Variants in KDM4B observed in about 807,000 individuals in gnomAD.
The protein encoded by KDM4B is lysine demethylase 4B.
KDM4B carries 32 observed loss-of-function variants against 125.2 expected under a neutral mutation model. The observed-to-expected ratio is 0.26, with a 90% CI of 0.19 to 0.34. The LOEUF (loss-of-function observed/expected upper bound fraction) is 0.34. Ranked by LOEUF, KDM4B falls within the 10% of genes least tolerant of loss-of-function variation. The pLI, the probability that KDM4B is intolerant of heterozygous loss-of-function variation, is 1.00. For synonymous variants in KDM4B, 721 were observed against 677.9 expected (o/e 1.06, Z -0.99); for missense variants, 1,190 against 1,577.7 (o/e 0.75, Z 4.16).
chr19:5,076,592 C>T (rs1334145518), intron 7 of KDM4B: 5 of 123,870 alleles, frequency 4.0e-5, no homozygotes, highest in Admixed American at 1.6e-4. Context: ...TGTGCTCTCT[C>T]GTTGACCGAG....
At chr19:5,106,377 C>T (rs1043351553) in intron 9 of KDM4B, among the ~76,000 whole-genome samples, 1 of 152,166 alleles carries the variant, frequency 6.6e-6, no homozygotes, top group East Asian at 1.9e-4. Flanking sequence ...ATGAGCTTGC[C>T]TGGAGTGTGC....
chr19:5,031,149 G>A (rs1171773356), intron 2 of KDM4B, among the ~76,000 whole-genome samples: 8 of 152,236 alleles, frequency 5.3e-5, no homozygotes, highest in Non-Finnish European at 8.8e-5. Flanking sequence ...GGGTGAGAGC[G>A]GGAGGGCAGG....
intron 9 of KDM4B, among the ~76,000 whole-genome samples, chr19:5,105,218 C>T (rs575457193): frequency 6.6e-6 from 1 of 152,340 alleles, no homozygotes; most frequent in Non-Finnish European, 1.5e-5. Flanking sequence ...GACTGCTTCC[C>T]GGCAGGGGCA....
intron 15 of KDM4B, among the ~76,000 whole-genome samples, chr19:5,136,355 G>C (rs530839776): frequency 3.1e-3 from 479 of 152,350 alleles, no homozygotes; most frequent in Non-Finnish European, 4.6e-3. Context: ...GCACGGGGGG[G>C]CGGTGGCAGG....
intron 9 of KDM4B, among the ~76,000 whole-genome samples, chr19:5,107,807 G>T (rs931547703): frequency 6.6e-6 from 1 of 152,210 alleles, no homozygotes; most frequent in African/African-American, 2.4e-5. Flanking sequence ...CTGCTGAGCT[G>T]CCCAGCACTC....
chr19:5,055,518 T>C (rs2037367838), intron 6 of KDM4B, among the ~76,000 whole-genome samples: 1 of 152,190 alleles, frequency 6.6e-6, no homozygotes, highest in Non-Finnish European at 1.5e-5. Context: ...GCCCATGGAT[T>C]TGGGAAACTG....
rs1436913543 is a variant in KDM4B, at chr19:5,082,747, C to T, written c.918+243C>T. ...ATGGTGGCCCAGGGCCCATCTCCAGCGAGTTCCATACACCAGTTATCCCTC... is the reference window on the plus strand; with the variant it reads ...ATGGTGGCCCAGGGCCCATCTCCAGTGAGTTCCATACACCAGTTATCCCTC... On this transcript the variant is annotated intron_variant, in intron 9 of 22. Transcript: ENST00000159111. The surrounding 1 kb of genome is among the most constrained non-coding windows in gnomAD (Gnocchi z 5.4). Among the ~76,000 whole-genome samples the T allele has an allele frequency of 1.3e-5, 2 of 152,202 alleles. No individual in the cohort carries two copies. The highest frequency in any genetic ancestry group is 1.9e-4 in the East Asian group (1 of 5,200).
At chr19:5,150,869 T>C (rs1370889473) in intron 22 of KDM4B, among the ~76,000 whole-genome samples, 1 of 152,180 alleles carries the variant, frequency 6.6e-6, no homozygotes, top group Non-Finnish European at 1.5e-5. Context: ...AAGCTTTTCC[T>C]GAGGTTTTTC....
chr19:5,087,525 G>A (rs1166600004), intron 9 of KDM4B, among the ~76,000 whole-genome samples: 2 of 152,232 alleles, frequency 1.3e-5, no homozygotes, highest in Non-Finnish European at 2.9e-5. Context: ...AGTGAGAGCT[G>A]CTGCCCAGGG....
rs1348099855 is a variant in KDM4B at position 5,035,262 on chromosome 19, G to A, written c.141+2231G>A. On this transcript the variant is annotated intron_variant, in intron 3 of 22. Transcript: ENST00000159111. The surrounding 1 kb of genome is among the most constrained non-coding windows in gnomAD (Gnocchi z 5.3). ...TTATCCTGGCACCGCATCTGCCTCT[G>A]TCTCCTGCCCTTGACCTACTTCCAC... 6.6e-6 allele frequency among the ~76,000 whole-genome samples: 1 copy of A among 152,116 alleles called. No homozygotes were observed. The highest frequency in any genetic ancestry group is 1.5e-5 in the Non-Finnish European group (1 of 68,020).
chr19:5,067,784 T>A (rs1163777123), intron 6 of KDM4B, among the ~76,000 whole-genome samples: 6 of 152,122 alleles, frequency 3.9e-5, no homozygotes, highest in Non-Finnish European at 7.4e-5. Flanking sequence ...CCAGAGGGCC[T>A]GGGCAGCTGT....
intron 6 of KDM4B, among the ~76,000 whole-genome samples, chr19:5,061,828 T>TA (rs71170891): frequency 0.16 from 22,414 of 138,084 alleles, 1,985 homozygotes; most frequent in East Asian, 0.25. Flanking sequence ...CCCTGTCTCT[T>TA]AAAAAAAAAA....
chr19:5,071,987 G>C (rs1055893546), intron 7 of KDM4B, among the ~76,000 whole-genome samples: 6 of 152,170 alleles, frequency 3.9e-5, no homozygotes, highest in African/African-American at 1.4e-4. Flanking sequence ...AGGGCCCGTT[G>C]TTCCTCTGAC....
rs2039981040 is a variant in KDM4B, at chr19:5,153,436, C to G, written c.*1925C>G. ...CAGAAGGGCAGGCCGGAGCTGCACA[C>G]TCTCCCCACGAAGGTATCTCTGTGT... On this transcript the variant is annotated 3_prime_UTR_variant, in exon 23 of 23. Coordinates refer to ENST00000159111, the MANE Select transcript of KDM4B (RefSeq NM_015015.3). 1 of 152,262 alleles carries G rather than the reference C, an allele frequency of 6.6e-6. No homozygotes were observed. The highest frequency in any genetic ancestry group is 2.4e-5 in the African/African-American group (1 of 41,464). 9.4% of individuals were successfully genotyped at this position (152,262 alleles called of 1,614,324 possible).
At position 5,078,365 on chromosome 19, in the gene KDM4B, G is replaced by A. The variant is rs546346626; in HGVS notation, c.780+895G>A. On this transcript the variant is annotated intron_variant, in intron 8 of 22. Coordinates refer to ENST00000159111, the MANE Select transcript of KDM4B (RefSeq NM_015015.3). The surrounding 1 kb of genome is among the most constrained non-coding windows in gnomAD (Gnocchi z 4.5). ...TGTCAGCCAGCCGGAAATTGCTTGT[G>A]ACATTTCAATCAAACCGCCAAAGCA... 3.3e-5 allele frequency: 5 copies of A among 152,326 alleles called. No homozygotes were observed. Among genetic ancestry groups the A allele is most frequent in the African/African-American group, 9.6e-5 (4 of 41,574 alleles). The allele number at this position is 152,326 out of a possible 1,614,324, so 9.4% of individuals were successfully genotyped here. A position where few individuals can be genotyped will look rare whatever the true frequency, so the allele number is the denominator to read the frequency against.
Position 5,151,385 on chromosome 19 carries a change from C to A in KDM4B, c.3165C>A (p.Ala1055=). 1 of 1,588,190 alleles carries A rather than the reference C, an allele frequency of 6.3e-7. No homozygotes were observed. The highest frequency in any genetic ancestry group is 8.6e-7 in the Non-Finnish European group (1 of 1,169,448). Residue 1055 remains alanine, a synonymous_variant, in exon 23 of 23, where the codon GCC becomes GCA. Coordinates refer to ENST00000159111, the MANE Select transcript of KDM4B (RefSeq NM_015015.3). ...AGCCCGCCTTCTCGGGGGAGGAGGC[C>A]AAGGCCGCCAAGCGCCCGCGTGTGG... is the stretch of plus-strand genomic sequence containing the variant. ...PQEPAFSGEE[A]KAAKRPRVGT...
chr19:5,031,284 CA>C (rs1392114240), intron 2 of KDM4B, among the ~76,000 whole-genome samples: 2 of 152,232 alleles, frequency 1.3e-5, no homozygotes, highest in Admixed American at 6.5e-5. Flanking sequence ...AGGCCCCGCG[CA>C]GTCAGAGGCT....
chr19:5,030,948 G>A (rs989919276), intron 2 of KDM4B, among the ~76,000 whole-genome samples: 3 of 152,246 alleles, frequency 2.0e-5, no homozygotes, highest in Non-Finnish European at 4.4e-5. Context: ...AGGTGACCGC[G>A]TTCTGCCACC....
intron 3 of KDM4B, among the ~76,000 whole-genome samples, chr19:5,036,851 T>C (rs1459909116): frequency 6.6e-6 from 1 of 152,192 alleles, no homozygotes; most frequent in Non-Finnish European, 1.5e-5. Context: ...CCCTGCGGGA[T>C]TTTCCCAGAG....
Sources: gnomAD v4.1 joint callset for allele counts (sites outside exome capture counted in the v4.1 genomes callset) on GRCh38, gnomAD v4.1.1 for gene constraint, Gnocchi (gnomAD v3.1) non-coding constraint, MANE v1.5 for transcripts, NCBI Gene and HGNC (gene_info 2026-07-23, HGNC 2026-07-21) for gene names.